The following RERE variants were observed in gnomAD, a reference collection of about 807,000 sequenced individuals.
RERE encodes the protein arginine-glutamic acid dipeptide repeats.
Under a neutral mutation model 146.1 loss-of-function variants are expected in RERE, and 40 were observed. The ratio of observed to expected loss-of-function variants is 0.27; its 90% CI spans 0.21 to 0.36. RERE has a LOEUF of 0.36. Among genes scored for constraint, RERE ranks in the 10% least tolerant of loss-of-function variants. RERE has a pLI of 1.00. For synonymous variants in RERE, 1,003 were observed against 866.0 expected (o/e 1.16, Z -2.78); for missense variants, 1,933 against 2,138.7 (o/e 0.90, Z 1.90).
chr1:8,755,305 CT>C (rs1245959469), intron 1 of RERE, among the ~76,000 whole-genome samples: 1 of 152,230 alleles, frequency 6.6e-6, no homozygotes, highest in African/African-American at 2.4e-5. Flanking sequence ...TAAATTAAAT[CT>C]GGCATCACAC....
rs1641734182 is a variant in RERE, at chr1:8,364,806, C to T, written c.1480G>A (p.Asp494Asn). 6 of 1,612,498 alleles carry T rather than the reference C, an allele frequency of 3.7e-6. No individual in the cohort carries two copies. Among genetic ancestry groups the T allele is most frequent in the African/African-American group, 2.7e-5 (2 of 74,494 alleles). ...DLSSASEDDFDSEDSEQELKG... is the reference protein window; with the variant it reads ...DLSSASEDDFNSEDSEQELKG... ...AGCTCCTGCTCACTGTCCTCACTGT[C>T]GAAGTCATCTTCACTGGCTGAACTT... Residue 494 changes from aspartate (D) to asparagine (N), a missense_variant, in exon 14 of 23, where the codon GAC becomes AAC. Asp to Asn is a conservative substitution (Grantham distance 23). Transcript: ENST00000400908. This position sits in a 1 kb window ranked among gnomAD's most constrained non-coding sequence, Gnocchi z 5.1.
intron 4 of RERE, among the ~76,000 whole-genome samples, chr1:8,570,349 A>T (rs1249123946): frequency 6.6e-6 from 1 of 152,046 alleles, no homozygotes; most frequent in East Asian, 1.9e-4. Flanking sequence ...ATAATAATAA[A>T]AATAAAAAAA....
intron 12 of RERE, among the ~76,000 whole-genome samples, chr1:8,374,369 AT>A (rs144524893): frequency 5.0e-4 from 76 of 151,312 alleles, no homozygotes; most frequent in East Asian, 4.3e-3. Context: ...GTTAAAAAAA[AT>A]TTTTTTTTTA....
chr1:8,692,732 C>A (rs1203088633), intron 1 of RERE, among the ~76,000 whole-genome samples: 1 of 152,066 alleles, frequency 6.6e-6, no homozygotes, highest in Non-Finnish European at 1.5e-5. Flanking sequence ...GTGCTTTTTT[C>A]TAAACATTTT....
At chr1:8,498,169 G>A (rs1305551607) in intron 8 of RERE, among the ~76,000 whole-genome samples, 3 of 150,810 alleles carry the variant, frequency 2.0e-5, no homozygotes, top group East Asian at 4.0e-4. Context: ...GACCAGCCTG[G>A]CCAAGATGCT....
In RERE at chr1:8,423,097, A is replaced by T. The variant is rs1643937462; in HGVS notation, c.1204-290T>A. The stretch of plus-strand genomic sequence containing the variant: ...AAGCAATCTGTCCCCCTCTTCCACC[A>T]GGCACACATTCTGGTGCACGAAGGT... On this transcript the variant is annotated intron_variant, in intron 11 of 22. Coordinates refer to ENST00000400908, the MANE Select transcript of RERE (RefSeq NM_001042681.2). The surrounding 1 kb of genome is among the most constrained non-coding windows in gnomAD (Gnocchi z 5.4). 3 of 384,502 alleles carry T rather than the reference A, an allele frequency of 7.8e-6. No individual in the cohort carries two copies. Among genetic ancestry groups the T allele is most frequent in the African/African-American group, 4.0e-5 (2 of 49,720 alleles). 23.8% of individuals were successfully genotyped at this position (384,502 alleles called of 1,614,324 possible). A position where few individuals can be genotyped will look rare whatever the true frequency, so the allele number is the denominator to read the frequency against.
intron 12 of RERE, among the ~76,000 whole-genome samples, chr1:8,401,038 C>CATATATATATATATATAT (rs59752248): frequency 1.8e-3 from 106 of 57,436 alleles, no homozygotes; most frequent in Non-Finnish European, 2.3e-3. Context: ...AAAAAAAAAC[C>CATATATATATATATATAT]ATATATATAT....
Position 8,497,340 on chromosome 1 carries a change from T to C in RERE, c.1004+65A>G, listed in dbSNP as rs1250938744. 52 of 1,565,142 alleles carry C rather than the reference T, an allele frequency of 3.3e-5. No homozygotes were observed. In the East Asian group the frequency reaches 9.3e-4, roughly 28 times the overall value. ...TAAAATCTCAGGGGAAATGCAAAGTTTACTGCCTATAATCAGTTCAGATGG... is the reference window on the plus strand; with the variant it reads ...TAAAATCTCAGGGGAAATGCAAAGTCTACTGCCTATAATCAGTTCAGATGG... On this transcript the variant is annotated intron_variant, in intron 9 of 22. Coordinates refer to ENST00000400908, the MANE Select transcript of RERE (RefSeq NM_001042681.2).
At chr1:8,390,582 G>T (rs1405719305) in intron 12 of RERE, among the ~76,000 whole-genome samples, 1 of 152,138 alleles carries the variant, frequency 6.6e-6, no homozygotes, top group Admixed American at 6.6e-5. Flanking sequence ...AACAAATAGT[G>T]AAGACAGAGC....
At chr1:8,565,752 C>CTA (rs1017851239) in intron 4 of RERE, among the ~76,000 whole-genome samples, 22 of 152,184 alleles carry the variant, frequency 1.4e-4, no homozygotes, top group African/African-American at 5.3e-4. Context: ...TTTTACATAT[C>CTA]TATATATATT....
chr1:8,657,926 G>A (rs1638360937), intron 1 of RERE, among the ~76,000 whole-genome samples: 1 of 152,182 alleles, frequency 6.6e-6, no homozygotes, highest in African/African-American at 2.4e-5. Flanking sequence ...GGAATATTAA[G>A]TGGTTTTTAC....
intron 4 of RERE, among the ~76,000 whole-genome samples, chr1:8,605,771 A>AAACC (rs1491331726): frequency 7.2e-6 from 1 of 138,228 alleles, no homozygotes; most frequent in Non-Finnish European, 1.5e-5. Flanking sequence ...AAAAAAAAAA[A>AAACC]CCCCTAAAAA....
intron 12 of RERE, among the ~76,000 whole-genome samples, chr1:8,400,224 G>A (rs2784736): frequency 0.061 from 1,043 of 17,238 alleles, 22 homozygotes; most frequent in African/African-American, 0.22. Context: ...TGTGTCATAT[G>A]TGTGTGTGTG....
Position 8,360,210 on chromosome 1 carries a change from G to A in RERE, c.3297C>T (p.Asp1099=), listed in dbSNP as rs148981427. The change falls in exon 18 of 23, where the codon GAC becomes GAT. Residue 1099 remains aspartate, a synonymous_variant. Transcript: ENST00000400908. ...GGGGGCTCTCAGGCTCCTCAGCGTC[G>A]TCCAGAGCCTCCTCCTTGATCTGGA... ...PTVQIKEEAL[D]DAEEPESPPP... The A allele has an allele frequency of 3.3e-3, 5,304 of 1,591,600 alleles. 19 individuals carry two copies. Among genetic ancestry groups the A allele is most frequent in the Middle Eastern group, 0.012 (68 of 5,852 alleles).
chr1:8,552,104 C>T (rs1355881209), intron 6 of RERE, among the ~76,000 whole-genome samples: 1 of 152,160 alleles, frequency 6.6e-6, no homozygotes, highest in African/African-American at 2.4e-5. Context: ...TCTACAACTG[C>T]GAAGGGCTCA....
intron 2 of RERE, among the ~76,000 whole-genome samples, chr1:8,655,127 C>A (rs983019391): frequency 2.0e-5 from 3 of 151,874 alleles, no homozygotes; most frequent in African/African-American, 7.3e-5. Flanking sequence ...ATGACTACTT[C>A]TATTATTGTT....
intron 12 of RERE, among the ~76,000 whole-genome samples, chr1:8,413,388 G>A (rs1419148420): frequency 6.6e-6 from 1 of 152,114 alleles, no homozygotes; most frequent in Non-Finnish European, 1.5e-5. Flanking sequence ...TGTTGCCCAG[G>A]CTGGAGCATA....
intron 1 of RERE, among the ~76,000 whole-genome samples, chr1:8,789,778 G>A (rs1281872552): frequency 2.0e-5 from 3 of 152,154 alleles, no homozygotes; most frequent in African/African-American, 7.2e-5. Context: ...GCCTCAGGCC[G>A]ACCCCTGCCT....
At chr1:8,417,664 G>A (rs760420823) in intron 12 of RERE, among the ~76,000 whole-genome samples, 5 of 151,932 alleles carry the variant, frequency 3.3e-5, no homozygotes, top group Admixed American at 2.0e-4. Flanking sequence ...TACATACTTC[G>A]GTAGCACAGC....
Sources: allele counts gnomAD v4.1 joint callset (sites outside exome capture counted in the v4.1 genomes callset), GRCh38; gene constraint gnomAD v4.1.1; non-coding constraint Gnocchi (gnomAD v3.1); transcripts MANE v1.5; gene names NCBI Gene and HGNC (gene_info 2026-07-23, HGNC 2026-07-21).